Variants in ZNF672 observed in about 807,000 individuals in gnomAD.
ZNF672 encodes zinc finger protein 672.
For missense variants in ZNF672, 733 were observed against 701.1 expected, an observed-to-expected ratio of 1.05 and a Z score of -0.51; for synonymous variants, 358 against 305.6, an observed-to-expected ratio of 1.17 and a Z score of -1.79.
At position 248,847,544 on chromosome 1, in the gene ZNF672, C is replaced by T. The variant is rs139163248; in HGVS notation, c.270C>T (p.Gly90=). ...GCGGCCGTCTTGACCTACACTTGGG[C>T]GCACACCGGCAGCGATGCCGCACTT... ...RHSGRLDLHL[G]AHRQRCRTCP... Residue 90 remains glycine (G), a synonymous_variant, in exon 4 of 4, where the codon GGC becomes GGT. Transcript: ENST00000306562. The T allele has an allele frequency of 1.9e-6, 3 of 1,590,690 alleles. No individual in the cohort carries two copies. Among genetic ancestry groups the T allele is most frequent in the Admixed American group, 1.7e-5 (1 of 57,900 alleles).
In ZNF672 at chr1:248,847,579, G is replaced by C; in HGVS notation, c.305G>C (p.Arg102Pro). ...CAGCGATGCCGCACTTGCCCCTGCC[G>C]CACATGCGGCCGGCGCTTCCCGCAC... ...HRQRCRTCPC[R>P]TCGRRFPHLP... is the part of the protein sequence containing the mutation. The change falls in exon 4 of 4, where the codon CGC (arginine) becomes CCC (proline). Residue 102 changes from arginine to proline, a missense_variant. Arg to Pro is a moderately radical substitution (Grantham distance 103, BLOSUM62 -2). Coordinates refer to ENST00000306562, the MANE Select transcript of ZNF672 (RefSeq NM_024836.3). 2 of 1,566,936 alleles carry C rather than the reference G, an allele frequency of 1.3e-6. No homozygotes were observed. Among genetic ancestry groups the C allele is most frequent in the Non-Finnish European group, 8.6e-7 (1 of 1,160,420 alleles).
In ZNF672 at chr1:248,849,067, T is replaced by C. The variant is rs533501016; in HGVS notation, c.*434T>C. On this transcript the variant is annotated 3_prime_UTR_variant, in exon 4 of 4. Coordinates refer to ENST00000306562, the MANE Select transcript of ZNF672 (RefSeq NM_024836.3). ...TTTGTTGTCCTGCCTCTTCAGGTAA[T>C]GGTCACAGATTTGGCTGTAGGCACG... The C allele has an allele frequency of 4.2e-6, 2 of 481,268 alleles. No individual in the cohort carries two copies. The highest frequency in any genetic ancestry group is 8.6e-6 in the Non-Finnish European group (2 of 233,880). The allele number at this position is 481,268 out of a possible 1,614,324, so 29.8% of individuals were successfully genotyped here.
At chr1:248,840,159 G>C (rs1454239476) in intron 1 of ZNF672, among the ~76,000 whole-genome samples, 1 of 151,908 alleles carries the variant, frequency 6.6e-6, no homozygotes, top group South Asian at 2.1e-4. Flanking sequence ...GCACTATCTC[G>C]GCTCACTGCA....
chr1:248,840,094 T>TA (rs1664646595), intron 1 of ZNF672, among the ~76,000 whole-genome samples: 1 of 150,176 alleles, frequency 6.7e-6, no homozygotes, highest in African/African-American at 2.5e-5. Flanking sequence ...TAGCTTTTTT[T>TA]AATTTATTTT....
chr1:248,839,777 C>T, intron 1 of ZNF672, among the ~76,000 whole-genome samples: 1 of 125,666 alleles, frequency 8.0e-6, no homozygotes, highest in South Asian at 2.5e-4. Flanking sequence ...CTTGCTCTGT[C>T]GTCCAGGCTG....
In ZNF672 at chr1:248,848,069, C is replaced by T; in HGVS notation, c.795C>T (p.Ser265=). 1.9e-6 allele frequency: 3 copies of T among 1,548,908 alleles called. No homozygotes were observed. Among genetic ancestry groups the T allele is most frequent in the Non-Finnish European group, 2.6e-6 (3 of 1,147,258 alleles). The stretch of plus-strand genomic sequence containing the variant: ...GTGGCGACTGTGGACGCTGCTTCAG[C>T]GAGAGTTCCACGCTGCTGCGCCATC... ...YACGDCGRCF[S]ESSTLLRHRR... is the part of the protein sequence containing the mutation. The change falls in exon 4 of 4, where the codon AGC becomes AGT. Residue 265 remains serine, a synonymous_variant. Coordinates refer to ENST00000306562, the MANE Select transcript of ZNF672 (RefSeq NM_024836.3).
Position 248,848,517 on chromosome 1 carries a change from C to G in ZNF672, c.1243C>G (p.Arg415Gly). ...SHSRSLSQHQ[R>G]AHTRARTAAA... The stretch of plus-strand genomic sequence containing the variant: ...CAGCCGCTCGCTGTCACAGCATCAG[C>G]GGGCCCACACGCGCGCCCGCACCGC... Residue 415 changes from arginine to glycine, a missense_variant, in exon 4 of 4, where the codon CGG (arginine) becomes GGG (glycine). Arg to Gly is a moderately radical substitution (Grantham distance 125). Transcript: ENST00000306562. 6.2e-7 allele frequency: 1 copy of G among 1,600,204 alleles called. No homozygotes were observed. The highest frequency in any genetic ancestry group is 8.5e-7 in the Non-Finnish European group (1 of 1,173,326).
chr1:248,848,781 A>AC lies in ZNF672; in HGVS notation c.*149dup. ...TTCCAGTTTCTGTTGGCAGCCCTTC[A>AC]CGTAGCCTCCTGCCTCGCCTCTACA... On this transcript the variant is annotated 3_prime_UTR_variant, in exon 4 of 4. Coordinates refer to ENST00000306562, the MANE Select transcript of ZNF672 (RefSeq NM_024836.3). 2.5e-6 allele frequency: 3 copies of AC among 1,202,700 alleles called. No individual in the cohort carries two copies. The highest frequency in any genetic ancestry group is 3.5e-6 in the Non-Finnish European group (3 of 850,468). 74.5% of individuals were successfully genotyped at this position (1,202,700 alleles called of 1,614,324 possible).
rs546814201 is a variant in ZNF672 at position 248,843,274 on chromosome 1, CAT to C, written c.-474-1208_-474-1207del. ...GACGAAAGGGAAACACATGTACAAA[CAT>C]GTGAGAATTCTTGTGTGTTAATACC... On this transcript the variant is annotated intron_variant, in intron 1 of 3. Transcript: ENST00000306562. Among the ~76,000 whole-genome samples the C allele has an allele frequency of 1.4e-3, 220 of 152,320 alleles. 1 individual carries two copies. Among genetic ancestry groups the C allele is most frequent in the African/African-American group, 3.8e-3 (156 of 41,564 alleles).
chr1:248,848,805 C>A lies in ZNF672; in HGVS notation c.*172C>A. On this transcript the variant is annotated 3_prime_UTR_variant, in exon 4 of 4. Coordinates refer to ENST00000306562, the MANE Select transcript of ZNF672 (RefSeq NM_024836.3). The stretch of plus-strand genomic sequence containing the variant: ...CACGTAGCCTCCTGCCTCGCCTCTA[C>A]ACCTACTACCCTGTCGGCCCTTTTG... 2 of 968,732 alleles carry A rather than the reference C, an allele frequency of 2.1e-6. No individual in the cohort carries two copies. The highest frequency in any genetic ancestry group is 3.2e-6 in the Non-Finnish European group (2 of 618,334). 60.0% of individuals were successfully genotyped at this position (968,732 alleles called of 1,614,324 possible). A position where few individuals can be genotyped will look rare whatever the true frequency, so the allele number is the denominator to read the frequency against.
rs749312288 is a variant in ZNF672 at position 248,847,880 on chromosome 1, C to G, written c.606C>G (p.Gly202=). 1.6e-5 allele frequency: 25 copies of G among 1,588,160 alleles called. No individual in the cohort carries two copies. In the East Asian group the frequency reaches 5.5e-4, roughly 35 times the overall value. The stretch of plus-strand genomic sequence containing the variant: ...GTGTCTCAGACGCCCACCAGTGTGG[C>G]GTGTGCGGCAAGTGCTTTGGCAAGA... ...RPRVSDAHQC[G]VCGKCFGKSS... Residue 202 remains glycine (G), a synonymous_variant, in exon 4 of 4, where the codon GGC becomes GGG. Coordinates refer to ENST00000306562, the MANE Select transcript of ZNF672 (RefSeq NM_024836.3).
chr1:248,848,094 C>G lies in ZNF672; in HGVS notation c.820C>G (p.Arg274Gly), dbSNP rs371348856. ...CGAGAGTTCCACGCTGCTGCGCCAT[C>G]GGCGCAGCCATCAGGGCGAGCGGCC... ...FSESSTLLRH[R>G]RSHQGERPHA... The change falls in exon 4 of 4, where the codon CGG becomes GGG. Residue 274 changes from arginine (R) to glycine (G), a missense_variant. Physicochemically the swap from Arg to Gly is moderately radical, Grantham distance 125. Transcript: ENST00000306562. 38 of 1,549,610 alleles carry G rather than the reference C, an allele frequency of 2.5e-5. No individual in the cohort carries two copies. Among genetic ancestry groups the G allele is most frequent in the Admixed American group, 5.9e-5 (3 of 51,220 alleles).
chr1:248,848,464 G>A lies in ZNF672; in HGVS notation c.1190G>A (p.Cys397Tyr). Residue 397 changes from cysteine (C) to tyrosine (Y), a missense_variant, in exon 4 of 4, where the codon TGC (cysteine) becomes TAC (tyrosine). Physicochemically the swap from Cys to Tyr is radical, Grantham distance 194. Coordinates refer to ENST00000306562, the MANE Select transcript of ZNF672 (RefSeq NM_024836.3). ...KTHLGERPAE[C>Y]AECGKCFSHS... The stretch of plus-strand genomic sequence containing the variant: ...CACCTGGGCGAACGGCCAGCGGAGT[G>A]CGCAGAGTGCGGCAAGTGCTTCAGC... The A allele has an allele frequency of 6.2e-7, 1 of 1,606,854 alleles. No individual in the cohort carries two copies. Among genetic ancestry groups the A allele is most frequent in the Non-Finnish European group, 8.5e-7 (1 of 1,177,558 alleles).
Position 248,849,283 on chromosome 1 carries a change from C to T in ZNF672, c.*650C>T, listed in dbSNP as rs1366754564. On this transcript the variant is annotated 3_prime_UTR_variant, in exon 4 of 4. Coordinates refer to ENST00000306562, the MANE Select transcript of ZNF672 (RefSeq NM_024836.3). ...CCCTTAGCATGGCCACACATGTCCC[C>T]AGGGCAGATCAAGGGGCCTCTCAGA... is the stretch of plus-strand genomic sequence containing the variant. 4 of 376,326 alleles carry T rather than the reference C, an allele frequency of 1.1e-5. No homozygotes were observed. The highest frequency in any genetic ancestry group is 2.2e-5 in the Non-Finnish European group (4 of 185,040). The allele number at this position is 376,326 out of a possible 1,614,324, so 23.3% of individuals were successfully genotyped here.
chr1:248,842,253 A>G (rs1167402344), intron 1 of ZNF672, among the ~76,000 whole-genome samples: 1 of 152,134 alleles, frequency 6.6e-6, no homozygotes, highest in Non-Finnish European at 1.5e-5. Flanking sequence ...GGACATGTCT[A>G]AGGAGCTGGT....
At position 248,849,328 on chromosome 1, in the gene ZNF672, T is replaced by C. The variant is rs1369098446; in HGVS notation, c.*695T>C. 3 of 363,164 alleles carry C rather than the reference T, an allele frequency of 8.3e-6. No homozygotes were observed. The highest frequency in any genetic ancestry group is 6.4e-5 in the African/African-American group (3 of 46,558). 22.5% of individuals were successfully genotyped at this position (363,164 alleles called of 1,614,324 possible). A position where few individuals can be genotyped will look rare whatever the true frequency, so the allele number is the denominator to read the frequency against. On this transcript the variant is annotated 3_prime_UTR_variant, in exon 4 of 4. Transcript: ENST00000306562. ...CTCAGAACCATGTTCCCCAGCCAGGTGAGGACCATTTTCACTGGGACCCAG... is the reference window on the plus strand; with the variant it reads ...CTCAGAACCATGTTCCCCAGCCAGGCGAGGACCATTTTCACTGGGACCCAG...
Position 248,847,645 on chromosome 1 carries a change from C to A in ZNF672, c.371C>A (p.Pro124Gln). The change falls in exon 4 of 4, where the codon CCA becomes CAA. Residue 124 changes from proline (P) to glutamine (Q), a missense_variant. Transcript: ENST00000306562. ...CTACACCGGCGCCGCCAGCATCTGCCAGAGCGGCCCCGCCGCTGCCCGCTG... is the reference window on the plus strand; with the variant it reads ...CTACACCGGCGCCGCCAGCATCTGCAAGAGCGGCCCCGCCGCTGCCCGCTG... ...LLLHRRRQHL[P>Q]ERPRRCPLCA... 6.6e-7 allele frequency: 1 copy of A among 1,508,122 alleles called. No individual in the cohort carries two copies. The highest frequency in any genetic ancestry group is 8.8e-7 in the Non-Finnish European group (1 of 1,131,884). The allele number at this position is 1,508,122 out of a possible 1,614,324, so 93.4% of individuals were successfully genotyped here.
chr1:248,842,515 T>A (rs921078720), intron 1 of ZNF672, among the ~76,000 whole-genome samples: 3 of 150,946 alleles, frequency 2.0e-5, no homozygotes, highest in Non-Finnish European at 4.4e-5. Context: ...AGCTGAGCAA[T>A]GAGTACGAGG....
chr1:248,841,322 A>G (rs1664676709), intron 1 of ZNF672, among the ~76,000 whole-genome samples: 2 of 152,252 alleles, frequency 1.3e-5, no homozygotes, highest in South Asian at 2.1e-4. Flanking sequence ...AAGACCTTAT[A>G]GTCCTTTCTC....
Sources: allele counts gnomAD v4.1 joint callset (sites outside exome capture counted in the v4.1 genomes callset), GRCh38; gene constraint gnomAD v4.1.1; transcripts MANE v1.5; gene names NCBI Gene and HGNC (gene_info 2026-07-23, HGNC 2026-07-21).